PTPRN2: variants seen among roughly 807,000 people sequenced by gnomAD.
PTPRN2 encodes the protein receptor-type tyrosine-protein phosphatase N2.
Under a neutral mutation model 118.8 loss-of-function variants are expected in PTPRN2, and 74 were observed. The ratio of observed to expected loss-of-function variants is 0.62; its 90% CI spans 0.52 to 0.76. The LOEUF is 0.76. PTPRN2 is among the 30% of genes least tolerant of loss of function. The pLI is 0.00. For missense variants in PTPRN2, 1,481 were observed against 1,394.4 expected (o/e 1.06, Z -0.99); for synonymous variants, 641 against 608.0 (o/e 1.05, Z -0.80).
chr7:158,273,822 T>TG, intron 3 of PTPRN2, among the ~76,000 whole-genome samples: 1 of 14,464 alleles, frequency 6.9e-5, no homozygotes, highest in South Asian at 3.1e-3. Context: ...GCCGCAGGCA[T>TG]GGGGGAGCCG....
intron 2 of PTPRN2, among the ~76,000 whole-genome samples, chr7:158,341,544 A>G (rs1400076953): frequency 1.3e-4 from 13 of 103,272 alleles, no homozygotes; most frequent in South Asian, 4.3e-4. Context: ...AAGAGGTGAC[A>G]TCTGCAGACG....
At chr7:158,330,290 C>G (rs1804107142) in intron 2 of PTPRN2, among the ~76,000 whole-genome samples, 1 of 132,730 alleles carries the variant, frequency 7.5e-6, no homozygotes, top group Non-Finnish European at 1.6e-5. Context: ...CTCACACCCA[C>G]ACTCTCACCA....
rs143549129 is a variant in PTPRN2, at chr7:158,164,164, G to A, written c.910+2767C>T. ...TGGGGTGTGGGAGGAACGAGAAGGC[G>A]CCAAGGCAGGGAGGTGAAGCTCCCC... On this transcript the variant is annotated intron_variant, in intron 6 of 22. Transcript: ENST00000389418. Among the ~76,000 whole-genome samples, 461 of 152,308 alleles carry A rather than the reference G, an allele frequency of 3.0e-3. 6 individuals carry two copies. Among genetic ancestry groups the A allele is most frequent in the African/African-American group, 0.011 (441 of 41,560 alleles).
chr7:157,848,796 A>G (rs1584860660), intron 12 of PTPRN2, among the ~76,000 whole-genome samples: 1 of 152,204 alleles, frequency 6.6e-6, no homozygotes, highest in Non-Finnish European at 1.5e-5. Context: ...GGTGGCCCGC[A>G]CCCTGCAGTG....
At chr7:157,559,140 G>A (rs189000924) in intron 21 of PTPRN2, among the ~76,000 whole-genome samples, 2,264 of 152,358 alleles carry the variant, frequency 0.015, 61 homozygotes, top group Admixed American at 0.064. Flanking sequence ...ACCCCCTGCA[G>A]CACCCTGACT....
intron 11 of PTPRN2, among the ~76,000 whole-genome samples, chr7:157,934,937 G>C (rs1799611135): frequency 6.6e-6 from 1 of 152,200 alleles, no homozygotes; most frequent in African/African-American, 2.4e-5. Flanking sequence ...AGAACTCTGG[G>C]CTTTTGTTTT....
intron 14 of PTPRN2, among the ~76,000 whole-genome samples, chr7:157,653,378 G>C (rs1250875402): frequency 1.3e-5 from 2 of 152,198 alleles, no homozygotes; most frequent in Admixed American, 6.5e-5. Context: ...TGCGCACAGA[G>C]GGCTGGGCTG....
chr7:157,962,716 C>T (rs775402859), intron 11 of PTPRN2, among the ~76,000 whole-genome samples: 4 of 152,196 alleles, frequency 2.6e-5, no homozygotes, highest in Middle Eastern at 3.4e-3. Context: ...AGGAAGGGTT[C>T]GTGACACCTG....
intron 12 of PTPRN2, among the ~76,000 whole-genome samples, chr7:157,688,763 C>G (rs1797319850): frequency 6.6e-6 from 1 of 152,208 alleles, no homozygotes; most frequent in South Asian, 2.1e-4. Context: ...CTCTGTGGCA[C>G]GACTTTGAGC....
At chr7:158,078,069 G>C (rs544118623) in intron 11 of PTPRN2, among the ~76,000 whole-genome samples, 4 of 152,148 alleles carry the variant, frequency 2.6e-5, no homozygotes, top group African/African-American at 7.2e-5. Context: ...CATTGCCTAC[G>C]ATAAAGAGGA....
At chr7:157,993,034 T>G (rs1804369993) in intron 11 of PTPRN2, among the ~76,000 whole-genome samples, 1 of 152,040 alleles carries the variant, frequency 6.6e-6, no homozygotes, top group Admixed American at 6.6e-5. Flanking sequence ...GCCCACGGGG[T>G]CTGCCCAGGT....
At chr7:158,165,182 G>A (rs9690755) in intron 6 of PTPRN2, among the ~76,000 whole-genome samples, 42,978 of 62,308 alleles carry the variant, frequency 0.69, 13,335 homozygotes, top group African/African-American at 0.78. Flanking sequence ...TAGTACCCAC[G>A]AAAGTGCAGG....
intron 1 of PTPRN2, among the ~76,000 whole-genome samples, chr7:158,506,211 G>A (rs980730196): frequency 4.6e-5 from 7 of 152,208 alleles, no homozygotes; most frequent in Non-Finnish European, 7.3e-5. Flanking sequence ...TGGAACAGGC[G>A]GGCCATTAGG....
chr7:158,155,565 T>TCATCGCCAACATCACCAA (rs1563529098), intron 6 of PTPRN2, among the ~76,000 whole-genome samples: 12 of 17,022 alleles, frequency 7.0e-4, no homozygotes, highest in Admixed American at 1.3e-3. Flanking sequence ...ATCATCATCA[T>TCATCGCCAACATCACCAA]TGCCATCATC....
rs1046556654 is a variant in PTPRN2 at position 157,924,450 on chromosome 7, T to C, written c.1724-25713A>G. Among the ~76,000 whole-genome samples the C allele has an allele frequency of 1.3e-5, 2 of 152,152 alleles. 1 individual carries two copies. The highest frequency in any genetic ancestry group is 4.1e-4 in the South Asian group (2 of 4,830). ...TCCTCCCGACACTGGTTCTGAGTCA[T>C]GGAATCTCCCTACCCTGGACGCCTC... On this transcript the variant is annotated intron_variant, in intron 11 of 22. Coordinates refer to ENST00000389418, the MANE Select transcript of PTPRN2 (RefSeq NM_002847.5).
chr7:157,993,123 T>G (rs1396174365), intron 11 of PTPRN2, among the ~76,000 whole-genome samples: 1 of 152,140 alleles, frequency 6.6e-6, no homozygotes, highest in African/African-American at 2.4e-5. Context: ...AGCTGCAACT[T>G]TCCATTTTCT....
At chr7:158,149,059 A>ACGCCACGTGTCTTTAACCCTCAC (rs1432696100) in intron 6 of PTPRN2, among the ~76,000 whole-genome samples, 1 of 124,332 alleles carries the variant, frequency 8.0e-6, no homozygotes. Flanking sequence ...ACCCCATCTC[A>ACGCCACGTGTCTTTAACCCTCAC]TGCCACGTGT....
intron 3 of PTPRN2, among the ~76,000 whole-genome samples, chr7:158,268,975 G>T (rs112625632): frequency 6.6e-6 from 1 of 152,194 alleles, no homozygotes; most frequent in Non-Finnish European, 1.5e-5. Flanking sequence ...GTTGAAAGCC[G>T]TTGCCGGGCC....
intron 1 of PTPRN2, among the ~76,000 whole-genome samples, chr7:158,500,475 A>T (rs1237223344): frequency 6.6e-6 from 1 of 152,254 alleles, no homozygotes; most frequent in Non-Finnish European, 1.5e-5. Flanking sequence ...AGCAAGTCTC[A>T]GCTGGTGGCA....
Sources: allele counts gnomAD v4.1 joint callset (sites outside exome capture counted in the v4.1 genomes callset), GRCh38; gene constraint gnomAD v4.1.1; transcripts MANE v1.5; gene names NCBI Gene and HGNC (gene_info 2026-07-23, HGNC 2026-07-21).